EML1: variants seen among roughly 807,000 people sequenced by gnomAD.
EML1 encodes EMAP like 1.
Under a neutral mutation model 110.4 loss-of-function variants are expected in EML1, and 27 were observed. That is an observed-to-expected ratio of 0.24 (90% CI 0.18 to 0.34). The LOEUF (loss-of-function observed/expected upper bound fraction) is 0.34, where lower values mean the gene tolerates loss of function less well. Ranked by LOEUF, EML1 falls within the 10% of genes least tolerant of loss-of-function variation. The probability of loss-of-function intolerance (pLI) is 1.00; values close to 1 mark genes in which losing one functional copy is unlikely to be tolerated. For missense variants in EML1, 741 were observed against 1,030.9 expected (o/e 0.72, Z 3.85); for synonymous variants, 344 against 385.8 (o/e 0.89, Z 1.27).
chr14:99,796,637 G>A (rs1207329286), intron 1 of EML1, among the ~76,000 whole-genome samples: 1 of 150,424 alleles, frequency 6.6e-6, no homozygotes, highest in Non-Finnish European at 1.5e-5. Context: ...CTACAGGTGC[G>A]TGCTATCATG....
chr14:99,850,140 T>A, intron 1 of EML1: 1 of 420,578 alleles, frequency 2.4e-6, no homozygotes, highest in Non-Finnish European at 4.4e-6. Flanking sequence ...AGTTTTGTCA[T>A]GTTGCCTAGG....
intron 2 of EML1, among the ~76,000 whole-genome samples, chr14:99,852,134 C>T (rs143043087): frequency 6.6e-5 from 10 of 152,294 alleles, no homozygotes; most frequent in African/African-American, 1.9e-4. Flanking sequence ...GGAAATAAAA[C>T]GCCTCCTAAC....
intron 1 of EML1, among the ~76,000 whole-genome samples, chr14:99,764,561 A>G (rs74083924): frequency 0.012 from 1,820 of 152,316 alleles, 15 homozygotes; most frequent in African/African-American, 0.032. Flanking sequence ...AGCTCTGTAC[A>G]TTCACAGTCT....
At chr14:99,853,710 C>T (rs1312892410) in intron 2 of EML1, among the ~76,000 whole-genome samples, 2 of 152,192 alleles carry the variant, frequency 1.3e-5, no homozygotes, top group Non-Finnish European at 2.9e-5. Flanking sequence ...TGCTGTGTCA[C>T]CCAAGCTGGA....
intron 15 of EML1, 93 bp from the exon 16 acceptor site, chr14:99,917,689 G>T: frequency 8.2e-7 from 1 of 1,212,478 alleles, no homozygotes; most frequent in South Asian, 1.3e-5. Context: ...TTAGAAGTGT[G>T]AGCGTTTGTG....
chr14:99,893,395 G>C (rs965896709), intron 5 of EML1, among the ~76,000 whole-genome samples: 1 of 152,146 alleles, frequency 6.6e-6, no homozygotes, highest in African/African-American at 2.4e-5. Context: ...ATTGTAAGGG[G>C]AGGATCCATG....
At chr14:99,770,346 G>A (rs2057410613), upstream of EML1, among the ~76,000 whole-genome samples, 2 of 147,684 alleles carry the variant, frequency 1.4e-5, no homozygotes, top group Non-Finnish European at 3.0e-5. Flanking sequence ...GAAAGACGAA[G>A]CAAGCTCTCG....
At chr14:99,790,976 G>A (rs1055255501), upstream of EML1, among the ~76,000 whole-genome samples, 2 of 151,428 alleles carry the variant, frequency 1.3e-5, no homozygotes, top group Non-Finnish European at 2.9e-5. Flanking sequence ...TCCCACCTCA[G>A]CTTCCCAAAT....
intron 17 of EML1, among the ~76,000 whole-genome samples, chr14:99,935,579 C>T (rs975312715): frequency 6.6e-6 from 1 of 152,020 alleles, no homozygotes; most frequent in Non-Finnish European, 1.5e-5. Flanking sequence ...GTCACGAGAT[C>T]GAGACCATCC....
intron 3 of EML1, among the ~76,000 whole-genome samples, chr14:99,869,320 T>G (rs928289361): frequency 2.0e-5 from 3 of 152,198 alleles, no homozygotes; most frequent in African/African-American, 7.2e-5. Flanking sequence ...TGGTGATCAG[T>G]GATCTTTGGT....
intron 15 of EML1, among the ~76,000 whole-genome samples, chr14:99,915,962 G>A (rs892679060): frequency 2.2e-4 from 33 of 152,224 alleles, no homozygotes; most frequent in African/African-American, 7.0e-4. Context: ...CAGCTGAGCC[G>A]TGAGGTGGAA....
At chr14:99,898,490 G>C (rs758132744) in intron 8 of EML1, among the ~76,000 whole-genome samples, 188 bp downstream of exon 8, 1 of 152,214 alleles carries the variant, frequency 6.6e-6, no homozygotes, top group Admixed American at 6.5e-5. Flanking sequence ...GGTGGCTCAC[G>C]CCTGTAATCC....
chr14:99,898,596 A>G (rs2059709559), intron 8 of EML1, among the ~76,000 whole-genome samples: 1 of 152,172 alleles, frequency 6.6e-6, no homozygotes. Context: ...TACCAAAAAT[A>G]CAAAAATTAG....
intron 3 of EML1, among the ~76,000 whole-genome samples, chr14:99,872,383 G>T (rs540908938): frequency 4.6e-5 from 7 of 152,304 alleles, no homozygotes; most frequent in African/African-American, 1.7e-4. Context: ...ATATCTAAGT[G>T]TGTACGTGTG....
Position 99,939,419 on chromosome 14 carries a change from G to A in EML1, c.2322+92G>A. 1 of 1,556,956 alleles carries A rather than the reference G, an allele frequency of 6.4e-7. No homozygotes were observed. Among genetic ancestry groups the A allele is most frequent in the Non-Finnish European group, 8.7e-7 (1 of 1,148,016 alleles). Reference sequence around the variant, plus strand: ...GAGACTAAGTGGAAATGGGCTGTGAGCGACTGCTGCCAGCCACAAAGGCAG... The same window carrying A: ...GAGACTAAGTGGAAATGGGCTGTGAACGACTGCTGCCAGCCACAAAGGCAG... On this transcript the variant is annotated intron_variant, in intron 21 of 21. Transcript: ENST00000262233. The surrounding 1 kb of genome is among the most constrained non-coding windows in gnomAD (Gnocchi z 4.2).
rs776900171 is a variant in EML1, at chr14:99,878,526, G to C, written c.425G>C (p.Gly142Ala). The C allele has an allele frequency of 6.2e-7, 1 of 1,614,058 alleles. No homozygotes were observed. ...RTSSSERVSPGGRRESNGDSR... is the reference protein window; with the variant it reads ...RTSSSERVSPAGRRESNGDSR... ...AGCTCTTCTGAACGAGTGTCTCCTGGGGGTCGAAGGGAAAGCAATGGGGAT... is the reference window on the plus strand; with the variant it reads ...AGCTCTTCTGAACGAGTGTCTCCTGCGGGTCGAAGGGAAAGCAATGGGGAT... The change falls in exon 4 of 22, where the codon GGG (glycine) becomes GCG (alanine). Residue 142 changes from glycine to alanine, a missense_variant. By Grantham distance (60) the Gly-to-Ala change is moderately conservative. Around this residue, in one of 4 missense-constraint regions of EML1, gnomAD observed 226 missense variants for 255.6 expected, o/e 0.88. Transcript: ENST00000262233.
chr14:99,869,955 C>A (rs1485416937), intron 3 of EML1, among the ~76,000 whole-genome samples: 2 of 152,170 alleles, frequency 1.3e-5, no homozygotes, highest in African/African-American at 4.8e-5. Context: ...GGACAGCCTG[C>A]AGAACTGTGA....
At chr14:99,889,560 G>A (rs1222669746) in intron 4 of EML1, among the ~76,000 whole-genome samples, 1 of 152,202 alleles carries the variant, frequency 6.6e-6, no homozygotes, top group African/African-American at 2.4e-5. Context: ...AGGGCGTGAG[G>A]AGGGTTTCAG....
intron 1 of EML1, among the ~76,000 whole-genome samples, chr14:99,799,695 G>T (rs2057839084): frequency 6.6e-6 from 1 of 152,160 alleles, no homozygotes; most frequent in Non-Finnish European, 1.5e-5. Flanking sequence ...TCACAAAACT[G>T]TGCTTAAAAA....
Sources: allele counts gnomAD v4.1 joint callset (sites outside exome capture counted in the v4.1 genomes callset), GRCh38; gene constraint gnomAD v4.1.1; regional missense constraint gnomAD v4.1.1; non-coding constraint Gnocchi (gnomAD v3.1); transcripts MANE v1.5; gene names NCBI Gene and HGNC (gene_info 2026-07-23, HGNC 2026-07-21).